Variants in SNTG1 observed in about 807,000 individuals in gnomAD.
SNTG1 encodes the protein gamma-1-syntrophin.
In SNTG1, 39 loss-of-function variants were observed where a neutral mutation model predicts 74.7. That is an observed-to-expected ratio of 0.52 (90% CI 0.40 to 0.68). SNTG1 has a LOEUF of 0.68. Among genes scored for constraint, SNTG1 ranks in the 30% least tolerant of loss-of-function variants. The probability of loss-of-function intolerance (pLI) is 0.00; values close to 1 mark genes in which losing one functional copy is unlikely to be tolerated. For synonymous variants in SNTG1, 254 were observed against 217.1 expected, an observed-to-expected ratio of 1.17 and a Z score of -1.49; for missense variants, 685 against 609.5, an observed-to-expected ratio of 1.12 and a Z score of -1.30.
chr8:50,456,017 T>C (rs921434678), intron 8 of SNTG1, among the ~76,000 whole-genome samples: 2 of 152,226 alleles, frequency 1.3e-5, no homozygotes, highest in East Asian at 3.9e-4. Flanking sequence ...CTGGGAAATG[T>C]TTAGCGCAAA....
At chr8:50,293,125 G>C (rs1021675746) in intron 2 of SNTG1, among the ~76,000 whole-genome samples, 28 of 151,436 alleles carry the variant, frequency 1.8e-4, no homozygotes, top group Non-Finnish European at 3.6e-4. Flanking sequence ...GGACATCCAG[G>C]TTGTCTTGTC....
chr8:50,411,453 A>AT (rs1313716664), intron 4 of SNTG1, among the ~76,000 whole-genome samples: 9 of 151,548 alleles, frequency 5.9e-5, no homozygotes, highest in African/African-American at 1.5e-4. Flanking sequence ...ATCTCAAAAA[A>AT]AAAAAATAAA....
At chr8:50,741,743 A>T (rs1410493751) in intron 17 of SNTG1, among the ~76,000 whole-genome samples, 1 of 152,078 alleles carries the variant, frequency 6.6e-6, no homozygotes, top group Admixed American at 6.6e-5. Flanking sequence ...AATGCACATT[A>T]CTAAGTGAAA....
chr8:50,608,052 A>G (rs927490764), intron 13 of SNTG1, among the ~76,000 whole-genome samples: 2 of 151,548 alleles, frequency 1.3e-5, no homozygotes, highest in African/African-American at 4.8e-5. Flanking sequence ...TAATTTAATT[A>G]TGTTTTTAGT....
Position 50,712,836 on chromosome 8 carries a change from A to G in SNTG1, c.1284+3858A>G, listed in dbSNP as rs184853272. ...ATGTCCCCGCAAAGGACATGAACTCATCCTTTTTTATGGCTGCATATACTC... is the reference window on the plus strand; with the variant it reads ...ATGTCCCCGCAAAGGACATGAACTCGTCCTTTTTTATGGCTGCATATACTC... On this transcript the variant is annotated intron_variant, in intron 17 of 18. Coordinates refer to ENST00000642720, the MANE Select transcript of SNTG1 (RefSeq NM_018967.5). Among the ~76,000 whole-genome samples, 63 of 152,200 alleles carry G rather than the reference A, an allele frequency of 4.1e-4. 1 individual carries two copies. Among genetic ancestry groups the G allele is most frequent in the African/African-American group, 1.5e-3 (63 of 41,530 alleles).
intron 11 of SNTG1, among the ~76,000 whole-genome samples, chr8:50,537,792 C>G (rs994616353): frequency 6.6e-6 from 1 of 152,108 alleles, no homozygotes; most frequent in Non-Finnish European, 1.5e-5. Context: ...ACAAAGTACT[C>G]AACTCTGCTC....
At chr8:50,336,929 T>C (rs894108358) in intron 2 of SNTG1, among the ~76,000 whole-genome samples, 6 of 152,240 alleles carry the variant, frequency 3.9e-5, no homozygotes, top group Admixed American at 2.6e-4. Flanking sequence ...ATATGTCTGT[T>C]AATTTCAGCA....
chr8:50,675,180 T>G (rs1190790882), intron 15 of SNTG1, among the ~76,000 whole-genome samples: 1 of 152,142 alleles, frequency 6.6e-6, no homozygotes, highest in African/African-American at 2.4e-5. Context: ...GTCTATTAGG[T>G]CCACTTGATC....
At chr8:50,477,250 G>A (rs571535553) in intron 8 of SNTG1, among the ~76,000 whole-genome samples, 20 of 152,142 alleles carry the variant, frequency 1.3e-4, no homozygotes, top group African/African-American at 3.6e-4. Flanking sequence ...GAAATTTAGC[G>A]TGTAGAAATG....
In SNTG1 at chr8:50,681,673, G is replaced by T. The variant is rs557106457; in HGVS notation, c.1039-22927G>T. ...AGAGGAGGACCGAAAGCCTCAGAATGAGCCAGCAATGCTAAGAATTCTTTG... is the reference window on the plus strand; with the variant it reads ...AGAGGAGGACCGAAAGCCTCAGAATTAGCCAGCAATGCTAAGAATTCTTTG... On this transcript the variant is annotated intron_variant, in intron 15 of 18. Coordinates refer to ENST00000642720, the MANE Select transcript of SNTG1 (RefSeq NM_018967.5). Among the ~76,000 whole-genome samples, 3 of 152,290 alleles carry T rather than the reference G, an allele frequency of 2.0e-5. No individual in the cohort carries two copies. In the Middle Eastern group the frequency reaches 0.01, roughly 518 times the overall value.
intron 15 of SNTG1, among the ~76,000 whole-genome samples, chr8:50,701,655 TTCC>T (rs2095424984): frequency 6.9e-6 from 1 of 144,494 alleles, no homozygotes; most frequent in South Asian, 2.2e-4. Flanking sequence ...CCTCTTTTTC[TTCC>T]TCTTCTTCTT....
chr8:50,694,411 A>G (rs1435533193), intron 15 of SNTG1, among the ~76,000 whole-genome samples: 1 of 152,246 alleles, frequency 6.6e-6, no homozygotes, highest in Non-Finnish European at 1.5e-5. Flanking sequence ...TGTGAAGAGA[A>G]CAATAATGAG....
In SNTG1 at chr8:50,557,597, T is replaced by C. The variant is rs991979321; in HGVS notation, c.810+4418T>C. Among the ~76,000 whole-genome samples the C allele has an allele frequency of 2.6e-5, 4 of 152,188 alleles. No individual in the cohort carries two copies. The South Asian group carries it at 8.3e-4, about 32-fold the overall frequency. ...CAGCCACATCACACTGACCTCCGCT[T>C]CTGTGGTTACATTGCTTCTTTCTGT... On this transcript the variant is annotated intron_variant, in intron 12 of 18. Transcript: ENST00000642720.
intron 11 of SNTG1, among the ~76,000 whole-genome samples, chr8:50,541,817 C>A (rs1333572252): frequency 6.6e-6 from 1 of 151,812 alleles, no homozygotes; most frequent in Admixed American, 6.6e-5. Flanking sequence ...CATTCTCTCT[C>A]TCTTCTAACT....
In SNTG1 at chr8:49,959,113, G is replaced by T. The variant is rs551125943; in HGVS notation, c.-103+46882G>T. On this transcript the variant is annotated intron_variant, in intron 1 of 18. Coordinates refer to ENST00000642720, the MANE Select transcript of SNTG1 (RefSeq NM_018967.5). ...ACTACTCAAAATAAGTAGCTGATAT[G>T]AAATTCTCGATATTTTCATTAGTAA... Among the ~76,000 whole-genome samples, 84 of 152,208 alleles carry T rather than the reference G, an allele frequency of 5.5e-4. 1 individual carries two copies. The South Asian group carries it at 0.016, about 30-fold the overall frequency.
intron 1 of SNTG1, among the ~76,000 whole-genome samples, chr8:50,041,287 C>A (rs531530936): frequency 6.6e-6 from 1 of 152,246 alleles, no homozygotes; most frequent in Admixed American, 6.5e-5. Context: ...ATGTCAATTG[C>A]TGTTGGAGAT....
chr8:50,035,186 G>A (rs564124791), intron 1 of SNTG1, among the ~76,000 whole-genome samples: 69 of 152,294 alleles, frequency 4.5e-4, no homozygotes, highest in African/African-American at 1.5e-3. Context: ...TAAGGAGGCT[G>A]AGCTTTTTGC....
At chr8:50,209,889 G>T (rs1481728760) in intron 2 of SNTG1, among the ~76,000 whole-genome samples, 2 of 152,190 alleles carry the variant, frequency 1.3e-5, no homozygotes, top group African/African-American at 4.8e-5. Context: ...GTTGAGTTGA[G>T]AGAAGAAGAC....
At chr8:50,079,750 G>A (rs975252918) in intron 1 of SNTG1, among the ~76,000 whole-genome samples, 2 of 152,152 alleles carry the variant, frequency 1.3e-5, no homozygotes, top group African/African-American at 2.4e-5. Flanking sequence ...ATAAGTATAA[G>A]AAAGGGGTCC....
Sources: gnomAD v4.1 joint callset for allele counts (sites outside exome capture counted in the v4.1 genomes callset) on GRCh38, gnomAD v4.1.1 for gene constraint, MANE v1.5 for transcripts, NCBI Gene and HGNC (gene_info 2026-07-23, HGNC 2026-07-21) for gene names.